The following CADPS2 variants were observed in gnomAD, a reference collection of about 807,000 sequenced individuals.
CADPS2 encodes the protein calcium dependent secretion activator 2.
Under a neutral mutation model 172.5 loss-of-function variants are expected in CADPS2, and 93 were observed. The observed-to-expected ratio is 0.54, with a 90% confidence interval of 0.46 to 0.64. CADPS2 has a LOEUF of 0.64. Ranked by LOEUF, CADPS2 falls within the 30% of genes least tolerant of loss-of-function variation. The probability of loss-of-function intolerance (pLI) is 0.00; values close to 1 mark genes in which losing one functional copy is unlikely to be tolerated. For synonymous variants in CADPS2, 546 were observed against 555.2 expected (o/e 0.98, Z 0.23); for missense variants, 1,420 against 1,565.9 (o/e 0.91, Z 1.57).
chr7:122,467,116 T>G (rs1435038577), intron 14 of CADPS2, among the ~76,000 whole-genome samples: 1 of 152,202 alleles, frequency 6.6e-6, no homozygotes, highest in Non-Finnish European at 1.5e-5. Flanking sequence ...TACCCATCCC[T>G]TCTGCCTTTG....
Position 122,782,906 on chromosome 7 carries a change from T to C in CADPS2, c.340-45838A>G, listed in dbSNP as rs571083703. Among the ~76,000 whole-genome samples, 15 of 152,338 alleles carry C rather than the reference T, an allele frequency of 9.8e-5. No individual in the cohort carries two copies. In the South Asian group the frequency reaches 3.1e-3, roughly 32 times the overall value. The stretch of plus-strand genomic sequence containing the variant: ...TTATACTATTTCTCCTTTTCTTATA[T>C]TGACTCTATTGAATGACTCATTTTG... On this transcript the variant is annotated intron_variant, in intron 1 of 29. Transcript: ENST00000449022.
At chr7:122,736,198 A>G (rs1335543465) in intron 2 of CADPS2, among the ~76,000 whole-genome samples, 1 of 152,186 alleles carries the variant, frequency 6.6e-6, no homozygotes, top group African/African-American at 2.4e-5. Context: ...TTACACAAAA[A>G]TATTCTTGCC....
At chr7:122,487,849 A>G (rs1432930495) in intron 11 of CADPS2, among the ~76,000 whole-genome samples, 3 of 152,226 alleles carry the variant, frequency 2.0e-5, no homozygotes, top group African/African-American at 4.8e-5. Context: ...GCCCACTTAC[A>G]TGGTATGCAG....
Position 122,361,111 on chromosome 7 carries a change from A to G in CADPS2, c.3388-98T>C, listed in dbSNP as rs935328545. The G allele has an allele frequency of 4.2e-6, 4 of 959,812 alleles. No individual in the cohort carries two copies. In the African/African-American group the frequency reaches 6.5e-5, roughly 16 times the overall value. The allele number at this position is 959,812 out of a possible 1,614,324, so 59.5% of individuals were successfully genotyped here. The stretch of plus-strand genomic sequence containing the variant: ...GAATCAATTTCTTCCATCGCACAAA[A>G]ATTCACAATGAATGAACTGACAGCT... On this transcript the variant is annotated intron_variant, in intron 25 of 29. Coordinates refer to ENST00000449022, the MANE Select transcript of CADPS2 (RefSeq NM_017954.11).
chr7:122,497,596 T>C (rs571044785), intron 9 of CADPS2, among the ~76,000 whole-genome samples: 1 of 152,282 alleles, frequency 6.6e-6, no homozygotes, highest in East Asian at 1.9e-4. Flanking sequence ...TAGTAATGTT[T>C]AGTATATTAG....
intron 18 of CADPS2, 31 bp from the exon 19 acceptor site, chr7:122,414,107 C>T (rs949038862): frequency 6.7e-7 from 1 of 1,492,392 alleles, no homozygotes; most frequent in Non-Finnish European, 8.9e-7. Context: ...GGAAGCATTG[C>T]AGAGTAGAAC....
chr7:122,708,850 A>G (rs571705617), intron 2 of CADPS2, among the ~76,000 whole-genome samples: 35 of 151,934 alleles, frequency 2.3e-4, no homozygotes, highest in African/African-American at 8.2e-4. Context: ...TAACGGGGGG[A>G]AAAATTCACA....
intron 8 of CADPS2, among the ~76,000 whole-genome samples, chr7:122,528,865 T>C (rs2061504011): frequency 2.0e-5 from 3 of 152,158 alleles, no homozygotes; most frequent in Admixed American, 2.0e-4. Flanking sequence ...ATTAATTTGA[T>C]ACTTTCTTGA....
intron 1 of CADPS2, among the ~76,000 whole-genome samples, chr7:122,827,668 G>A (rs1159035848): frequency 6.6e-6 from 1 of 150,896 alleles, no homozygotes; most frequent in Non-Finnish European, 1.5e-5. Flanking sequence ...AAAAGAATTA[G>A]CTACAATTCT....
At chr7:122,386,401 A>T (rs955873944) in intron 24 of CADPS2, 1 of 742,312 alleles carries the variant, frequency 1.3e-6, no homozygotes, top group African/African-American at 1.8e-5. Context: ...ACAATGGGAA[A>T]AAAAGGCAAC....
chr7:122,716,268 C>A (rs1048679342), intron 2 of CADPS2, among the ~76,000 whole-genome samples: 1 of 152,038 alleles, frequency 6.6e-6, no homozygotes, highest in African/African-American at 2.4e-5. Context: ...TGCCTCGGAC[C>A]TTACTGGGGT....
At chr7:122,856,788 A>T (rs1168208812) in intron 1 of CADPS2, among the ~76,000 whole-genome samples, 9 of 152,262 alleles carry the variant, frequency 5.9e-5, no homozygotes, top group African/African-American at 2.2e-4. Context: ...ATTTTGGTTA[A>T]AAAATGAAAC....
chr7:122,595,114 T>G (rs1372889877), intron 6 of CADPS2, among the ~76,000 whole-genome samples: 1 of 151,782 alleles, frequency 6.6e-6, no homozygotes, highest in Non-Finnish European at 1.5e-5. Context: ...CTCAACCTAC[T>G]TGCTCCCATT....
chr7:122,458,741 C>G (rs185616656), intron 14 of CADPS2, among the ~76,000 whole-genome samples: 1 of 152,096 alleles, frequency 6.6e-6, no homozygotes, highest in East Asian at 1.9e-4. Context: ...GGCCAAGGAC[C>G]AAAACATAAT....
At chr7:122,746,731 T>C (rs1562924822) in intron 1 of CADPS2, among the ~76,000 whole-genome samples, 1 of 152,138 alleles carries the variant, frequency 6.6e-6, no homozygotes, top group African/African-American at 2.4e-5. Context: ...ATACGACCTG[T>C]GGGCCAGACA....
intron 1 of CADPS2, among the ~76,000 whole-genome samples, chr7:122,825,210 T>TTA (rs1450329746): frequency 6.6e-6 from 1 of 152,162 alleles, no homozygotes; most frequent in African/African-American, 2.4e-5. Flanking sequence ...TACAAATATG[T>TTA]TTACTGTTGA....
chr7:122,448,212 G>C (rs2152015154), intron 15 of CADPS2, among the ~76,000 whole-genome samples: 1 of 152,178 alleles, frequency 6.6e-6, no homozygotes, highest in Admixed American at 6.5e-5. Flanking sequence ...ATAAAATCTG[G>C]TTTCTCTTTC....
intron 16 of CADPS2, among the ~76,000 whole-genome samples, chr7:122,439,632 G>T (rs1371797084): frequency 2.0e-5 from 3 of 151,660 alleles, no homozygotes; most frequent in East Asian, 3.9e-4. Context: ...GTTAGGCAAG[G>T]TTTTCTTTTT....
intron 6 of CADPS2, among the ~76,000 whole-genome samples, chr7:122,588,758 T>TG (rs1193919743): frequency 6.6e-6 from 1 of 151,908 alleles, no homozygotes; most frequent in Non-Finnish European, 1.5e-5. Context: ...AAACTGACTT[T>TG]GGATTCACTC....
Sources: allele counts gnomAD v4.1 joint callset (sites outside exome capture counted in the v4.1 genomes callset), GRCh38; gene constraint gnomAD v4.1.1; transcripts MANE v1.5; gene names NCBI Gene and HGNC (gene_info 2026-07-23, HGNC 2026-07-21).